The following CFI variants were observed in gnomAD, a reference collection of about 807,000 sequenced individuals.
The protein encoded by CFI is complement factor I.
CFI carries 66 observed loss-of-function variants against 78.8 expected under a neutral mutation model. The observed-to-expected ratio is 0.84, with a 90% CI of 0.69 to 1.03. The LOEUF is 1.03. Among genes scored for constraint, CFI ranks in the 50% least tolerant of loss-of-function variants. CFI has a pLI of 0.00. For missense variants in CFI, 706 were observed against 704.5 expected, an observed-to-expected ratio of 1.00 and a Z score of -0.02; for synonymous variants, 250 against 232.6, an observed-to-expected ratio of 1.07 and a Z score of -0.68.
chr4:109,800,722 G>A (rs949077321), intron 1 of CFI, among the ~76,000 whole-genome samples: 2 of 151,908 alleles, frequency 1.3e-5, no homozygotes, highest in African/African-American at 4.8e-5. Context: ...AGATCTTTTA[G>A]TCATATATAT....
chr4:109,779,762 C>T (rs1729749726), intron 1 of CFI, among the ~76,000 whole-genome samples: 1 of 152,154 alleles, frequency 6.6e-6, no homozygotes. Context: ...ACCAAAACAG[C>T]ACAGTACTGG....
At chr4:109,759,267 AT>A (rs1441199358) in intron 6 of CFI, among the ~76,000 whole-genome samples, 5 of 150,410 alleles carry the variant, frequency 3.3e-5, no homozygotes, top group African/African-American at 1.2e-4. Flanking sequence ...AAAAAAAAAA[AT>A]AATAATAGTA....
At position 109,766,563 on chromosome 4, in the gene CFI, T is replaced by C. The variant is rs201419000; in HGVS notation, c.319A>G (p.Thr107Ala). 403 of 1,614,198 alleles carry C rather than the reference T, an allele frequency of 2.5e-4. 2 individuals are homozygous for C. Among genetic ancestry groups the C allele is most frequent in the Non-Finnish European group, 9.2e-5 (109 of 1,180,012 alleles). Residue 107 changes from threonine to alanine, a missense_variant, in exon 2 of 13, where the codon ACA becomes GCA. Coordinates refer to ENST00000394634, the MANE Select transcript of CFI (RefSeq NM_000204.5). ...ACTAGTCTCTTGCTACCTTCGGCTG[T>C]GCATGTTCCGTTATTTAAAAACTTT... ...GTKFLNNGTC[T>A]AEGKFSVSLK...
the CFI span, among the ~76,000 whole-genome samples, chr4:109,732,137 T>C: frequency 6.6e-6 from 1 of 152,202 alleles, no homozygotes; most frequent in Non-Finnish European, 1.5e-5. Flanking sequence ...TTTCCCCCAC[T>C]TTCTCTATTT....
intron 1 of CFI, among the ~76,000 whole-genome samples, chr4:109,770,633 GAAA>G (rs370657391): frequency 1.3e-5 from 1 of 78,290 alleles, no homozygotes; most frequent in Non-Finnish European, 2.7e-5. Flanking sequence ...ACACAGACCA[GAAA>G]AAAAAAAAAA....
intron 2 of CFI, among the ~76,000 whole-genome samples, 171 bp from the exon 3 acceptor site, chr4:109,764,861 C>G (rs539211754): frequency 1.3e-5 from 2 of 152,074 alleles, no homozygotes; most frequent in Non-Finnish European, 2.9e-5. Context: ...TATGTGTCAG[C>G]GGCAGTGCTA....
At chr4:109,743,472 C>A (rs949668446) in intron 11 of CFI, among the ~76,000 whole-genome samples, 33 of 152,142 alleles carry the variant, frequency 2.2e-4, no homozygotes, top group Non-Finnish European at 2.6e-4. Flanking sequence ...TCAGTAAACA[C>A]CTTGAGAGCT....
At chr4:109,753,906 A>G (rs1292276126) in intron 7 of CFI, among the ~76,000 whole-genome samples, 4 of 128,002 alleles carry the variant, frequency 3.1e-5, no homozygotes, top group African/African-American at 1.2e-4. Flanking sequence ...GTATAATTTT[A>G]TATTATATAT....
intron 3 of CFI, among the ~76,000 whole-genome samples, chr4:109,763,300 T>C (rs945980438): frequency 2.0e-5 from 3 of 152,100 alleles, no homozygotes; most frequent in African/African-American, 7.2e-5. Context: ...AAATCAATGA[T>C]TTATGGTATA....
At chr4:109,744,381 T>A (rs192140692) in intron 11 of CFI, among the ~76,000 whole-genome samples, 2 of 152,310 alleles carry the variant, frequency 1.3e-5, no homozygotes, top group Admixed American at 1.3e-4. Context: ...AGCTCCTGAA[T>A]GTGCCTCAGA....
At chr4:109,751,250 A>G (rs1223713140) in intron 8 of CFI, among the ~76,000 whole-genome samples, 1 of 151,990 alleles carries the variant, frequency 6.6e-6, no homozygotes, top group Non-Finnish European at 1.5e-5. Context: ...CCATCCTAAG[A>G]ACTGGGGTGG....
At chr4:109,783,813 ATATAT>A (rs1560561466) in intron 1 of CFI, among the ~76,000 whole-genome samples, 8 of 93,906 alleles carry the variant, frequency 8.5e-5, no homozygotes, top group African/African-American at 3.6e-4. Flanking sequence ...AGAAACTGTG[ATATAT>A]ATATATATAT....
In CFI at chr4:109,746,435, G is replaced by A. The variant is rs181729783; in HGVS notation, c.1216C>T (p.Arg406Cys). 127 of 1,613,562 alleles carry A rather than the reference G, an allele frequency of 7.9e-5. 1 individual carries two copies. Among genetic ancestry groups the A allele is most frequent in the African/African-American group, 5.2e-4 (39 of 74,888 alleles). ...CTATCCACGTATTCAATTACTATAC[G>A]TTTAAGGTCGGGGTGTATCCAGTCT... ...VVDWIHPDLK[R>C]IVIEYVDRII... Residue 406 changes from arginine (R) to cysteine (C), a missense_variant, in exon 11 of 13, where the codon CGT (arginine) becomes TGT (cysteine). Coordinates refer to ENST00000394634, the MANE Select transcript of CFI (RefSeq NM_000204.5).
At chr4:109,777,698 C>A (rs537056863) in intron 1 of CFI, among the ~76,000 whole-genome samples, 2 of 152,310 alleles carry the variant, frequency 1.3e-5, no homozygotes, top group East Asian at 3.9e-4. Flanking sequence ...AGCACCACAT[C>A]ACACTTATTC....
intron 1 of CFI, among the ~76,000 whole-genome samples, chr4:109,784,794 G>A (rs1730532204): frequency 6.6e-6 from 1 of 152,018 alleles, no homozygotes; most frequent in Admixed American, 6.6e-5. Flanking sequence ...TGTGCATGTT[G>A]CTCTTTCTCA....
At chr4:109,741,244 A>G in intron 12 of CFI, 134 bp from the exon 13 acceptor site, 1 of 1,512,766 alleles carries the variant, frequency 6.6e-7, no homozygotes, top group Non-Finnish European at 8.8e-7. Flanking sequence ...CTCTCCTTAG[A>G]GTCCCTGGCT....
At chr4:109,764,226 G>A (rs1727441166) in intron 3 of CFI, 1 of 410,338 alleles carries the variant, frequency 2.4e-6, no homozygotes, top group African/African-American at 2.0e-5. Context: ...TATACTAAGT[G>A]TGAAAAAGTG....
intron 3 of CFI, among the ~76,000 whole-genome samples, chr4:109,763,817 T>C (rs775290512): frequency 4.6e-5 from 7 of 151,394 alleles, no homozygotes; most frequent in Non-Finnish European, 7.4e-5. Flanking sequence ...AATAAGAAAA[T>C]CAATAACACA....
At chr4:109,758,451 A>G (rs1224446388) in intron 6 of CFI, among the ~76,000 whole-genome samples, 1 of 152,142 alleles carries the variant, frequency 6.6e-6, no homozygotes, top group Admixed American at 6.5e-5. Context: ...ATAGGTACAT[A>G]AGGAATATTT....
Sources: gnomAD v4.1 joint callset for allele counts (sites outside exome capture counted in the v4.1 genomes callset) on GRCh38, gnomAD v4.1.1 for gene constraint, MANE v1.5 for transcripts, NCBI Gene and HGNC (gene_info 2026-07-23, HGNC 2026-07-21) for gene names.